The following BMPR1B variants were observed in gnomAD, a reference collection of about 807,000 sequenced individuals.
BMPR1B encodes bone morphogenetic protein receptor type 1B.
BMPR1B carries 12 observed loss-of-function variants against 59.1 expected under a neutral mutation model. That is an observed-to-expected ratio of 0.20 (90% CI 0.13 to 0.33). The LOEUF (loss-of-function observed/expected upper bound fraction) is 0.33. BMPR1B is among the 10% of genes least tolerant of loss of function. BMPR1B has a pLI of 1.00. For synonymous variants in BMPR1B, 237 were observed against 207.3 expected (o/e 1.14, Z -1.23); for missense variants, 550 against 610.9 (o/e 0.90, Z 1.05).
chr4:94,949,722 G>T (rs535582350), intron 2 of BMPR1B, among the ~76,000 whole-genome samples: 29 of 152,114 alleles, frequency 1.9e-4, no homozygotes, highest in Non-Finnish European at 4.1e-4. Context: ...CCAAGTCTTT[G>T]CTATTGTGAA....
Position 95,031,930 on chromosome 4 carries a change from G to T in BMPR1B, c.-18+35796G>T, listed in dbSNP as rs529860869. 3.3e-5 allele frequency among the ~76,000 whole-genome samples: 5 copies of T among 152,072 alleles called. No homozygotes were observed. The East Asian group carries it at 9.7e-4, about 30-fold the overall frequency. Reference sequence around the variant, plus strand: ...GGCAGAGCAGGACTAATGTCTCAAAGAAAAATGGTAAAATACTGTAACATA... The same window carrying T: ...GGCAGAGCAGGACTAATGTCTCAAATAAAAATGGTAAAATACTGTAACATA... On this transcript the variant is annotated intron_variant, in intron 3 of 12. Transcript: ENST00000515059.
At chr4:94,906,595 ATATATACC>A (rs1728049696) in intron 2 of BMPR1B, among the ~76,000 whole-genome samples, 1 of 152,058 alleles carries the variant, frequency 6.6e-6, no homozygotes, top group African/African-American at 2.4e-5. Context: ...ACCATGACAC[ATATATACC>A]TATGTAACAA....
At chr4:94,871,470 G>T (rs975575532) in intron 1 of BMPR1B, among the ~76,000 whole-genome samples, 10 of 152,014 alleles carry the variant, frequency 6.6e-5, no homozygotes, top group African/African-American at 2.4e-4. Flanking sequence ...GATTTATGAA[G>T]TACTCATGTT....
At chr4:94,773,921 T>C (rs886066951) in intron 1 of BMPR1B, among the ~76,000 whole-genome samples, 1 of 152,066 alleles carries the variant, frequency 6.6e-6, no homozygotes, top group African/African-American at 2.4e-5. Context: ...TTGTATTCTT[T>C]TCCTAAAATA....
At chr4:94,780,914 T>A (rs1164758975) in intron 1 of BMPR1B, among the ~76,000 whole-genome samples, 2 of 152,074 alleles carry the variant, frequency 1.3e-5, no homozygotes, top group African/African-American at 4.8e-5. Flanking sequence ...GGTCTCGATC[T>A]CCTGACCTTG....
chr4:94,824,995 C>G (rs2110660392), intron 1 of BMPR1B, among the ~76,000 whole-genome samples: 1 of 152,258 alleles, frequency 6.6e-6, no homozygotes, highest in Admixed American at 6.5e-5. Flanking sequence ...TCAATACAAG[C>G]TTACTTGAAA....
intron 3 of BMPR1B, among the ~76,000 whole-genome samples, chr4:95,037,434 T>A (rs1725341623): frequency 6.6e-6 from 1 of 152,162 alleles, no homozygotes; most frequent in Non-Finnish European, 1.5e-5. Context: ...TTGGAAAGAA[T>A]CATTATCACC....
At chr4:94,872,425 G>A (rs773309164) in intron 1 of BMPR1B, among the ~76,000 whole-genome samples, 3 of 152,152 alleles carry the variant, frequency 2.0e-5, no homozygotes, top group Non-Finnish European at 4.4e-5. Flanking sequence ...ATGATTGCAA[G>A]TATTTGTTTG....
intron 2 of BMPR1B, among the ~76,000 whole-genome samples, chr4:94,879,323 A>G (rs1475955298): frequency 6.6e-6 from 1 of 152,230 alleles, no homozygotes; most frequent in African/African-American, 2.4e-5. Context: ...CAAGTAAAAC[A>G]TTTGGATTTA....
chr4:95,033,255 A>AT (rs1725007590), intron 3 of BMPR1B, among the ~76,000 whole-genome samples: 1 of 151,332 alleles, frequency 6.6e-6, no homozygotes, highest in African/African-American at 2.4e-5. Flanking sequence ...CACTGTGTTG[A>AT]TTGCATCCTT....
chr4:95,049,378 A>G (rs1726271345), intron 3 of BMPR1B, among the ~76,000 whole-genome samples: 2 of 137,016 alleles, frequency 1.5e-5, no homozygotes, highest in Admixed American at 1.5e-4. Flanking sequence ...CCTGCCAAGT[A>G]GCTGGGATTA....
At chr4:94,992,268 A>G (rs968897355) in intron 2 of BMPR1B, among the ~76,000 whole-genome samples, 1 of 152,206 alleles carries the variant, frequency 6.6e-6, no homozygotes, top group Admixed American at 6.5e-5. Context: ...TCAATACTCA[A>G]TATTAAAATT....
rs1392838517 is a variant in BMPR1B, at chr4:95,156,571, T to C, written c.*1898T>C. ...TTGGGAGAATCATGAAGATTCTTTCTATATTTTGCATTTACTTCCCAGTGC... is the reference window on the plus strand; with the variant it reads ...TTGGGAGAATCATGAAGATTCTTTCCATATTTTGCATTTACTTCCCAGTGC... On this transcript the variant is annotated 3_prime_UTR_variant, in exon 13 of 13. Coordinates refer to ENST00000515059, the MANE Select transcript of BMPR1B (RefSeq NM_001203.3). 6.6e-6 allele frequency: 1 copy of C among 152,134 alleles called. No individual in the cohort carries two copies. The highest frequency in any genetic ancestry group is 1.9e-4 in the East Asian group (1 of 5,194). The allele number at this position is 152,134 out of a possible 1,614,324, so 9.4% of individuals were successfully genotyped here.
rs769863111 is a variant in BMPR1B at position 95,125,003 on chromosome 4, G to C, written c.467G>C (p.Arg156Thr). The change falls in exon 8 of 13, where the codon AGA becomes ACA. Residue 156 changes from arginine to threonine, a missense_variant. Physicochemically the swap from Arg to Thr is moderately conservative, Grantham distance 71. This residue lies in a region of BMPR1B where 318 missense variants were observed against 284.6 expected (regional missense o/e 1.12). Coordinates refer to ENST00000515059, the MANE Select transcript of BMPR1B (RefSeq NM_001203.3). The part of the protein sequence containing the change: ...CYFRYKRQET[R>T]PRYSIGLEQD... Reference sequence around the variant, plus strand: ...TTTAGGTATAAAAGACAAGAAACCAGACCTCGATACAGCATTGGGTTAGAA... The same window carrying C: ...TTTAGGTATAAAAGACAAGAAACCACACCTCGATACAGCATTGGGTTAGAA... 5.0e-6 allele frequency: 8 copies of C among 1,613,134 alleles called. No individual in the cohort carries two copies. The South Asian group carries it at 8.8e-5, about 18-fold the overall frequency.
At chr4:95,111,086 A>T (rs1560661535) in intron 4 of BMPR1B, among the ~76,000 whole-genome samples, 1 of 152,278 alleles carries the variant, frequency 6.6e-6, no homozygotes, top group South Asian at 2.1e-4. Context: ...ATGTAAAAGA[A>T]ATTCAAAAGA....
intron 3 of BMPR1B, among the ~76,000 whole-genome samples, chr4:95,022,591 A>C (rs556974274): frequency 7.2e-5 from 11 of 152,116 alleles, no homozygotes; most frequent in African/African-American, 2.6e-4. Context: ...ATTCTTTTAA[A>C]ATTTCATGTG....
At chr4:94,931,107 T>C (rs556060218) in intron 2 of BMPR1B, among the ~76,000 whole-genome samples, 57 of 152,272 alleles carry the variant, frequency 3.7e-4, no homozygotes, top group African/African-American at 1.3e-3. Flanking sequence ...GATTCTGGCC[T>C]CTGACTTTAT....
chr4:94,872,520 G>A (rs989697301), intron 1 of BMPR1B, among the ~76,000 whole-genome samples: 1 of 152,162 alleles, frequency 6.6e-6, no homozygotes, highest in African/African-American at 2.4e-5. Context: ...TAGAAATTTT[G>A]TCTTCATATT....
chr4:95,000,682 T>G (rs1722383041), intron 3 of BMPR1B, among the ~76,000 whole-genome samples: 2 of 152,098 alleles, frequency 1.3e-5, no homozygotes. Flanking sequence ...TATACCAAGT[T>G]CCTGTTAGCC....
Sources: gnomAD v4.1 joint callset for allele counts (sites outside exome capture counted in the v4.1 genomes callset) on GRCh38, gnomAD v4.1.1 for gene constraint, gnomAD v4.1.1 regional missense constraint, MANE v1.5 for transcripts, NCBI Gene and HGNC (gene_info 2026-07-23, HGNC 2026-07-21) for gene names.